Variants in DGKI observed in about 807,000 individuals in gnomAD.
DGKI encodes the protein diacylglycerol kinase iota, also known as DAG kinase iota.
DGKI carries 55 observed loss-of-function variants against 147.5 expected under a neutral mutation model. The observed-to-expected ratio is 0.37, with a 90% CI of 0.30 to 0.47. The LOEUF (loss-of-function observed/expected upper bound fraction) is 0.47, where lower values mean the gene tolerates loss of function less well. DGKI is among the 20% of genes least tolerant of loss of function. The probability of loss-of-function intolerance (pLI) is 1.00; values close to 1 mark genes in which losing one functional copy is unlikely to be tolerated. For missense variants in DGKI, 1,007 were observed against 1,323.8 expected (o/e 0.76, Z 3.71); for synonymous variants, 469 against 477.1 (o/e 0.98, Z 0.22).
At chr7:137,453,127 C>G (rs1476426218) in intron 27 of DGKI, 2 of 152,222 alleles carry the variant, frequency 1.3e-5, no homozygotes, top group African/African-American at 4.8e-5. Flanking sequence ...CAAATTCCAT[C>G]TATTTCCTAA....
chr7:137,616,796 T>G (rs1820546617), intron 8 of DGKI, among the ~76,000 whole-genome samples: 1 of 152,166 alleles, frequency 6.6e-6, no homozygotes, highest in Non-Finnish European at 1.5e-5. Flanking sequence ...GGCATCAGCT[T>G]ATTATTCTGA....
intron 21 of DGKI, among the ~76,000 whole-genome samples, chr7:137,488,303 A>G (rs886659632): frequency 2.6e-5 from 4 of 152,160 alleles, no homozygotes; most frequent in African/African-American, 9.7e-5. Flanking sequence ...TAGAAGAGGC[A>G]AAGCTTAAAA....
chr7:137,544,376 A>T lies in DGKI; in HGVS notation c.2147+7993T>A, dbSNP rs113841834. On this transcript the variant is annotated intron_variant, in intron 20 of 32. Coordinates refer to ENST00000614521, the MANE Select transcript of DGKI (RefSeq NM_001321708.2). ...GAATATAGAATTTTACTCCAGCCAC[A>T]ACATTCAGTTTGGCAATTGAATGTC... Among the ~76,000 whole-genome samples the T allele has an allele frequency of 1.2e-4, 18 of 152,338 alleles. 2 individuals are homozygous for T. The highest frequency in any genetic ancestry group is 4.1e-4 in the African/African-American group (17 of 41,580).
intron 1 of DGKI, among the ~76,000 whole-genome samples, chr7:137,762,625 T>C (rs773942380): frequency 4.6e-5 from 7 of 152,196 alleles, no homozygotes; most frequent in Non-Finnish European, 1.0e-4. Flanking sequence ...GGATCACAGC[T>C]AACTCCTTTT....
chr7:137,682,601 T>C (rs980818246), intron 2 of DGKI, among the ~76,000 whole-genome samples: 1 of 152,234 alleles, frequency 6.6e-6, no homozygotes, highest in Non-Finnish European at 1.5e-5. Context: ...ACTACGTTTC[T>C]CTCCTTGGTC....
intron 32 of DGKI, among the ~76,000 whole-genome samples, chr7:137,394,270 G>T (rs763269059): frequency 6.6e-6 from 1 of 152,128 alleles, no homozygotes; most frequent in South Asian, 2.1e-4. Context: ...TTAAAACATC[G>T]TAAGATTTGT....
chr7:137,580,691 C>G (rs1318833862), intron 15 of DGKI, among the ~76,000 whole-genome samples: 1 of 152,058 alleles, frequency 6.6e-6, no homozygotes, highest in Non-Finnish European at 1.5e-5. Flanking sequence ...ATTTTATACT[C>G]TAGTGGTTTT....
At chr7:137,742,538 A>G (rs1460383564) in intron 1 of DGKI, among the ~76,000 whole-genome samples, 1 of 152,152 alleles carries the variant, frequency 6.6e-6, no homozygotes, top group Non-Finnish European at 1.5e-5. Context: ...CCACAGCCAC[A>G]AGAGACCTTA....
intron 27 of DGKI, among the ~76,000 whole-genome samples, chr7:137,449,107 A>C (rs1813846701): frequency 6.6e-6 from 1 of 152,226 alleles, no homozygotes; most frequent in African/African-American, 2.4e-5. Context: ...TAAAAATACC[A>C]AAGACATTCT....
chr7:137,391,920 T>C (rs1811380248), intron 32 of DGKI, among the ~76,000 whole-genome samples: 1 of 152,186 alleles, frequency 6.6e-6, no homozygotes, highest in South Asian at 2.1e-4. Context: ...AAGTGGTAGA[T>C]ATTGATTAAA....
At chr7:137,624,015 C>A (rs112740951) in intron 6 of DGKI, among the ~76,000 whole-genome samples, 1 of 151,972 alleles carries the variant, frequency 6.6e-6, no homozygotes, top group South Asian at 2.1e-4. Flanking sequence ...ACTGGAACTC[C>A]GGGTCTGGGA....
intron 29 of DGKI, among the ~76,000 whole-genome samples, chr7:137,410,832 G>T (rs1030499257): frequency 1.3e-5 from 2 of 152,136 alleles, no homozygotes; most frequent in South Asian, 4.1e-4. Flanking sequence ...GATGGTATGG[G>T]CTTAATCCAC....
At chr7:137,795,184 G>A (rs780093760) in intron 1 of DGKI, among the ~76,000 whole-genome samples, 2 of 152,182 alleles carry the variant, frequency 1.3e-5, no homozygotes, top group Non-Finnish European at 2.9e-5. Flanking sequence ...TTATTCTACA[G>A]AACAGTGAGC....
chr7:137,708,433 G>A (rs1003213563), intron 1 of DGKI, among the ~76,000 whole-genome samples: 1 of 152,220 alleles, frequency 6.6e-6, no homozygotes, highest in African/African-American at 2.4e-5. Context: ...CCTCCCAGTA[G>A]ATGTCTGGCC....
At chr7:137,588,205 C>A (rs931102896) in intron 12 of DGKI, among the ~76,000 whole-genome samples, 1 of 152,122 alleles carries the variant, frequency 6.6e-6, no homozygotes, top group African/African-American at 2.4e-5. Flanking sequence ...GTACATAATT[C>A]TTTTTCTCTA....
At chr7:137,789,451 A>C (rs930213139) in intron 1 of DGKI, among the ~76,000 whole-genome samples, 20 of 152,094 alleles carry the variant, frequency 1.3e-4, no homozygotes, top group African/African-American at 4.8e-4. Flanking sequence ...CCCTTCCCCT[A>C]ATATAAGATA....
chr7:137,608,344 A>C (rs1161326987), intron 10 of DGKI, among the ~76,000 whole-genome samples: 1 of 152,240 alleles, frequency 6.6e-6, no homozygotes, highest in Non-Finnish European at 1.5e-5. Context: ...ATTCAAGAAC[A>C]AATTCTGTCC....
intron 1 of DGKI, among the ~76,000 whole-genome samples, chr7:137,803,451 C>T (rs1797274004): frequency 6.6e-6 from 1 of 152,162 alleles, no homozygotes; most frequent in African/African-American, 2.4e-5. Context: ...GAATCCTATC[C>T]ACTGATTTCA....
intron 13 of DGKI, 42 bp from the exon 14 acceptor site, chr7:137,585,388 G>A (rs990502000): frequency 1.1e-5 from 17 of 1,591,810 alleles, no homozygotes; most frequent in Non-Finnish European, 1.3e-5. Context: ...CCAGAGTGGA[G>A]AACAGTGAAG....
Sources: allele counts gnomAD v4.1 joint callset (sites outside exome capture counted in the v4.1 genomes callset), GRCh38; gene constraint gnomAD v4.1.1; transcripts MANE v1.5; gene names NCBI Gene and HGNC (gene_info 2026-07-23, HGNC 2026-07-21).